Variants in THOC2 observed in about 807,000 individuals in gnomAD.
THOC2 encodes THO complex subunit 2.
Under a neutral mutation model 128.4 loss-of-function variants are expected in THOC2, and 10 were observed. That is an observed-to-expected ratio of 0.08 (90% confidence interval 0.05 to 0.13). THOC2 has a LOEUF of 0.13. THOC2 is among the 10% of genes least tolerant of loss of function. THOC2 has a pLI of 1.00. For synonymous variants in THOC2, 393 were observed against 396.9 expected, an observed-to-expected ratio of 0.99 and a Z score of 0.12; for missense variants, 535 against 1,155.7, an observed-to-expected ratio of 0.46 and a Z score of 7.79.
At chrX:123,615,656 T>TACACACAC (rs988551946) in intron 33 of THOC2, among the ~76,000 whole-genome samples, 1 of 91,599 alleles carries the variant, frequency 1.1e-5, no homozygotes, top group Non-Finnish European at 2.2e-5. Context: ...AAAAAAAAAA[T>TACACACAC]ACACACACAC....
At chrX:123,648,607 G>A (rs1392611178) in intron 12 of THOC2, among the ~76,000 whole-genome samples, 2 of 112,321 alleles carry the variant, frequency 1.8e-5, no homozygotes, top group East Asian at 5.6e-4. Flanking sequence ...AGTCGACCTG[G>A]GACGCTGGAG....
chrX:123,682,114 T>G (rs1032901795), intron 8 of THOC2, among the ~76,000 whole-genome samples: 2 of 112,460 alleles, frequency 1.8e-5, no homozygotes, highest in African/African-American at 3.2e-5. Context: ...ACTATAGTAT[T>G]TAGGAAGAAG....
intron 16 of THOC2, among the ~76,000 whole-genome samples, chrX:123,639,261 T>C (rs1395204324): frequency 8.9e-6 from 1 of 111,922 alleles, no homozygotes; most frequent in Admixed American, 9.5e-5. Flanking sequence ...ATTTTTCAGT[T>C]AGAAAATAAT....
In THOC2 at chrX:123,696,061, A is replaced by C. The variant is rs2050437242; in HGVS notation, c.561T>G (p.Ile187Met). 2 of 1,130,953 alleles carry C rather than the reference A, an allele frequency of 1.8e-6. No individual in the cohort carries two copies. Among genetic ancestry groups the C allele is most frequent in the African/African-American group, 3.6e-5 (2 of 55,680 alleles). The allele number at this position is 1,130,953 out of a possible 1,213,427, so 93.2% of individuals were successfully genotyped here. ...AELGQDLSGSITSDLILENIK... is the reference protein window; with the variant it reads ...AELGQDLSGSMTSDLILENIK... ...TATTTTCTAAGATTAAATCACTAGT[A>C]ATACTTCCAGATAAATCTTGCCCCA... is the stretch of plus-strand genomic sequence containing the variant. The change falls in exon 7 of 39, where the codon ATT (isoleucine) becomes ATG (methionine). Residue 187 changes from isoleucine (I) to methionine (M), a missense_variant. This residue lies in a region of THOC2 where 10 missense variants were observed against 63.0 expected (regional missense o/e 0.16). Coordinates refer to ENST00000245838, the MANE Select transcript of THOC2 (RefSeq NM_001081550.2).
At chrX:123,688,242 T>C (rs1358991624) in intron 7 of THOC2, among the ~76,000 whole-genome samples, 1 of 111,500 alleles carries the variant, frequency 9.0e-6, no homozygotes, top group Non-Finnish European at 1.9e-5. Context: ...ATTTGCCGTA[T>C]AGGATAAGTG....
chrX:123,642,871 T>G (rs776290023), intron 15 of THOC2, among the ~76,000 whole-genome samples: 1 of 111,385 alleles, frequency 9.0e-6, no homozygotes, highest in Non-Finnish European at 1.9e-5. Context: ...AGATGGAGGA[T>G]GGAGTGAGAC....
chrX:123,653,240 C>T (rs1287028447), intron 12 of THOC2, among the ~76,000 whole-genome samples: 1 of 111,710 alleles, frequency 9.0e-6, no homozygotes, highest in African/African-American at 3.3e-5. Flanking sequence ...TGAAACTGGA[C>T]CCCTTCCTTA....
chrX:123,714,510 A>C (rs1310454962), intron 1 of THOC2, among the ~76,000 whole-genome samples: 1 of 112,339 alleles, frequency 8.9e-6, no homozygotes, highest in Non-Finnish European at 1.9e-5. Context: ...CTGAAGAAAC[A>C]AATAGACACC....
intron 1 of THOC2, among the ~76,000 whole-genome samples, chrX:123,723,138 C>G (rs1467644508): frequency 9.0e-6 from 1 of 110,577 alleles, no homozygotes; most frequent in Non-Finnish European, 1.9e-5. Flanking sequence ...AAGATCACGC[C>G]ACCACCGCAC....
intron 22 of THOC2, among the ~76,000 whole-genome samples, chrX:123,629,487 G>A (rs944316051): frequency 9.0e-6 from 1 of 111,491 alleles, no homozygotes; most frequent in Non-Finnish European, 1.9e-5. Context: ...GTTCTACACT[G>A]TGATAGGCAA....
chrX:123,616,231 G>A (rs1423929843), intron 33 of THOC2, among the ~76,000 whole-genome samples: 1 of 110,522 alleles, frequency 9.0e-6, no homozygotes, highest in African/African-American at 3.3e-5. Flanking sequence ...TTAACTTCAT[G>A]TCATACATTT....
At chrX:123,663,134 C>T (rs2048909029) in intron 12 of THOC2, among the ~76,000 whole-genome samples, 1 of 111,733 alleles carries the variant, frequency 8.9e-6, no homozygotes, top group African/African-American at 3.3e-5. Flanking sequence ...TCCCAAAAGG[C>T]TTGTGCAGGA....
chrX:123,661,750 T>C (rs924938373), intron 12 of THOC2, among the ~76,000 whole-genome samples: 3 of 111,814 alleles, frequency 2.7e-5, no homozygotes, highest in African/African-American at 9.7e-5. Context: ...ACAGATTTCT[T>C]TAGAGTACCT....
chrX:123,701,690 T>C (rs1279970595), intron 4 of THOC2, among the ~76,000 whole-genome samples: 1 of 102,950 alleles, frequency 9.7e-6, no homozygotes, highest in Non-Finnish European at 1.9e-5. Context: ...TGTATTTATT[T>C]GCAAAAAAAA....
At chrX:123,692,414 C>T (rs1216076001) in intron 7 of THOC2, among the ~76,000 whole-genome samples, 1 of 110,469 alleles carries the variant, frequency 9.1e-6, no homozygotes. Context: ...CTTGCTTGCG[C>T]ATGCAGTAAA....
At chrX:123,696,894 T>C in intron 5 of THOC2, 52 bp from the exon 6 acceptor site, 11 of 964,744 alleles carry the variant, frequency 1.1e-5, no homozygotes, top group Non-Finnish European at 1.5e-5. Context: ...GCATCCACAA[T>C]GTTAAATATA....
intron 8 of THOC2, among the ~76,000 whole-genome samples, chrX:123,680,667 A>G (rs1296888018): frequency 1.8e-5 from 2 of 111,139 alleles, no homozygotes; most frequent in African/African-American, 6.6e-5. Flanking sequence ...TTGGATGTCT[A>G]AGAGACATCT....
intron 28 of THOC2, 123 bp from the exon 29 acceptor site, chrX:123,623,406 A>G: frequency 1.3e-6 from 1 of 748,322 alleles, no homozygotes; most frequent in African/African-American, 2.2e-5. Flanking sequence ...ATTAAAAAAT[A>G]CCAATTTTTA....
Position 123,709,398 on chromosome X carries a change from T to A in THOC2, c.131-2449A>T, listed in dbSNP as rs188148560. On this transcript the variant is annotated intron_variant, in intron 2 of 38. Transcript: ENST00000245838. Reference sequence around the variant, plus strand: ...CAAGGTAAGGAGACCGAGACCATCCTGGCTAACATGGTGAAACCCCGTCTC... The same window carrying A: ...CAAGGTAAGGAGACCGAGACCATCCAGGCTAACATGGTGAAACCCCGTCTC... Among the ~76,000 whole-genome samples, 647 of 110,647 alleles carry A rather than the reference T, an allele frequency of 5.8e-3. 3 individuals carry two copies. Among genetic ancestry groups the A allele is most frequent in the African/African-American group, 0.019 (581 of 30,477 alleles).
Sources: allele counts gnomAD v4.1 joint callset (sites outside exome capture counted in the v4.1 genomes callset), GRCh38; gene constraint gnomAD v4.1.1; regional missense constraint gnomAD v4.1.1; transcripts MANE v1.5; gene names NCBI Gene and HGNC (gene_info 2026-07-23, HGNC 2026-07-21).